The following INTS6 variants were observed in gnomAD, a reference collection of about 807,000 sequenced individuals.
INTS6 encodes DEAD box protein.
A neutral mutation model predicts 104.9 loss-of-function variants in INTS6; 16 were observed. That is an observed-to-expected ratio of 0.15 (90% CI 0.10 to 0.23). The LOEUF is 0.23. INTS6 is among the 10% of genes least tolerant of loss of function. INTS6 has a pLI of 1.00. For synonymous variants in INTS6, 324 were observed against 358.7 expected, an observed-to-expected ratio of 0.90 and a Z score of 1.09; for missense variants, 584 against 1,062.8, an observed-to-expected ratio of 0.55 and a Z score of 6.26.
chr13:51,418,788 C>A (rs1956841731), intron 4 of INTS6, among the ~76,000 whole-genome samples: 1 of 152,188 alleles, frequency 6.6e-6, no homozygotes, highest in African/African-American at 2.4e-5. Context: ...TTTACCCCAA[C>A]AAATTGCAAA....
In INTS6 at chr13:51,369,148, C is replaced by T. The variant is rs779899845; in HGVS notation, c.2267G>A (p.Gly756Asp). ...ERPTNHMEAL[G>D]HDHLGTNDLT... ...GTCATTGGTTCCTAAATGGTCATGA[C>T]CAAGAGCCTCCATATGATTGGTTGG... The change falls in exon 16 of 18, where the codon GGT becomes GAT. Residue 756 changes from glycine (G) to aspartate (D), a missense_variant. By Grantham distance (94) the Gly-to-Asp change is moderately conservative. Around this residue, in one of 5 missense-constraint regions of INTS6, gnomAD observed 296 missense variants for 437.0 expected, o/e 0.68. Coordinates refer to ENST00000311234, the MANE Select transcript of INTS6 (RefSeq NM_012141.3). The T allele has an allele frequency of 6.2e-7, 1 of 1,613,834 alleles. No individual in the cohort carries two copies. Among genetic ancestry groups the T allele is most frequent in the African/African-American group, 1.3e-5 (1 of 75,000 alleles).
intron 4 of INTS6, among the ~76,000 whole-genome samples, chr13:51,397,955 A>C (rs1751853004): frequency 6.6e-6 from 1 of 152,134 alleles, no homozygotes; most frequent in African/African-American, 2.4e-5. Context: ...GTAAAAAAAA[A>C]ACCCCAGCAA....
In INTS6 at chr13:51,354,414, C is replaced by G. The variant is rs548450132; in HGVS notation, n.431-78G>C. 2.0e-5 allele frequency: 3 copies of G among 152,106 alleles called. No individual in the cohort carries two copies. In the South Asian group the frequency reaches 6.2e-4, roughly 32 times the overall value. The allele number at this position is 152,106 out of a possible 1,614,324, so 9.4% of individuals were successfully genotyped here. A position where few individuals can be genotyped will look rare whatever the true frequency, so the allele number is the denominator to read the frequency against. On this transcript the variant is annotated intron_variant and non_coding_transcript_variant, in intron 3 of 3. Transcript: ENST00000476666. ...AATCCACATAAAGCTCTTATAGTATCTAGCATAATGTAAGCACTCATTAAA... is the reference window on the plus strand; with the variant it reads ...AATCCACATAAAGCTCTTATAGTATGTAGCATAATGTAAGCACTCATTAAA...
At chr13:51,422,848 C>G (rs1321518295) in intron 4 of INTS6, among the ~76,000 whole-genome samples, 6 of 152,094 alleles carry the variant, frequency 3.9e-5, no homozygotes, top group Non-Finnish European at 7.4e-5. Context: ...TTTATAATCT[C>G]CTGATACACT....
intron 17 of INTS6, 69 bp from the exon 18 acceptor site, chr13:51,365,914 TAAGA>T (rs1566202200): frequency 5.7e-6 from 5 of 882,988 alleles, no homozygotes; most frequent in Middle Eastern, 3.7e-4. Context: ...ATAATTTTTT[TAAGA>T]AAGGAGAGAA....
At chr13:51,335,414 C>A in the INTS6 span, among the ~76,000 whole-genome samples, 9 of 152,064 alleles carry the variant, frequency 5.9e-5, no homozygotes, top group African/African-American at 1.9e-4. Context: ...TCATTGGTAA[C>A]CCATCAAATC....
At chr13:51,399,584 C>T (rs1307119932) in intron 4 of INTS6, among the ~76,000 whole-genome samples, 2 of 152,054 alleles carry the variant, frequency 1.3e-5, no homozygotes, top group East Asian at 3.9e-4. Flanking sequence ...TCAGATACTG[C>T]CAGTTTTCCA....
At chr13:51,382,387 C>T (rs921283217) in intron 9 of INTS6, among the ~76,000 whole-genome samples, 9 of 152,182 alleles carry the variant, frequency 5.9e-5, no homozygotes, top group Non-Finnish European at 1.3e-4. Flanking sequence ...TAGACCTAGA[C>T]ACAAAGCAGA....
the INTS6 span, among the ~76,000 whole-genome samples, chr13:51,345,232 T>TCCACAGGC: frequency 6.6e-6 from 1 of 152,142 alleles, no homozygotes; most frequent in Non-Finnish European, 1.5e-5. Flanking sequence ...CTGCCCAGGG[T>TCCACAGGC]CCACAGGCCA....
At chr13:51,410,357 T>C (rs1291111828) in intron 4 of INTS6, among the ~76,000 whole-genome samples, 1 of 152,234 alleles carries the variant, frequency 6.6e-6, no homozygotes, top group Admixed American at 6.5e-5. Context: ...GACACCATGT[T>C]GTATTGCCGA....
chr13:51,430,931 A>G (rs766255572), intron 3 of INTS6, among the ~76,000 whole-genome samples: 1 of 152,254 alleles, frequency 6.6e-6, no homozygotes, highest in Non-Finnish European at 1.5e-5. Flanking sequence ...AAATTTAACA[A>G]CAGTACAAGA....
Position 51,452,393 on chromosome 13 carries a change from C to T in INTS6, c.111+22G>A, listed in dbSNP as rs1953082010. ...GCGGGCCGCCGGGCCGGGGTCGCCGCCCGGGCTCGGTCAGTCGGTACCTTC... is the reference window on the plus strand; with the variant it reads ...GCGGGCCGCCGGGCCGGGGTCGCCGTCCGGGCTCGGTCAGTCGGTACCTTC... On this transcript the variant is annotated intron_variant, in intron 1 of 17. Coordinates refer to ENST00000311234, the MANE Select transcript of INTS6 (RefSeq NM_012141.3). This position sits in a 1 kb window ranked among gnomAD's most constrained non-coding sequence, Gnocchi z 4.2. 1 of 1,544,212 alleles carries T rather than the reference C, an allele frequency of 6.5e-7. No individual in the cohort carries two copies. Among genetic ancestry groups the T allele is most frequent in the East Asian group, 2.7e-5 (1 of 37,344 alleles).
chr13:51,396,283 T>C (rs1956336677), intron 4 of INTS6, among the ~76,000 whole-genome samples: 1 of 152,168 alleles, frequency 6.6e-6, no homozygotes, highest in Non-Finnish European at 1.5e-5. Flanking sequence ...GAGTAAATTT[T>C]TGTCACTCTA....
At chr13:51,376,720 C>T (rs1001803554) in intron 12 of INTS6, among the ~76,000 whole-genome samples, 4 of 152,124 alleles carry the variant, frequency 2.6e-5, no homozygotes, top group South Asian at 2.1e-4. Flanking sequence ...AACGTCTAAT[C>T]TTTTGTACTT....
Position 51,398,720 on chromosome 13 carries a change from T to C in INTS6, c.430-3237A>G, listed in dbSNP as rs1041265646. 2.8e-5 allele frequency among the ~76,000 whole-genome samples: 4 copies of C among 144,682 alleles called. No individual in the cohort carries two copies. The East Asian group carries it at 7.9e-4, about 29-fold the overall frequency. The allele number at this position is 144,682 out of a possible 152,430, so 94.9% of individuals were successfully genotyped here. A position where few individuals can be genotyped will look rare whatever the true frequency, so the allele number is the denominator to read the frequency against. ...TAGAAGAACTCTCATATTATTTGTA[T>C]AAGATGTTTAAAAAAAAAAAAAAAA... On this transcript the variant is annotated intron_variant, in intron 4 of 17. Coordinates refer to ENST00000311234, the MANE Select transcript of INTS6 (RefSeq NM_012141.3).
intron 4 of INTS6, among the ~76,000 whole-genome samples, chr13:51,414,048 G>C (rs1169350465): frequency 6.6e-6 from 1 of 152,172 alleles, no homozygotes. Context: ...AATTCTAGTT[G>C]ATGGAGTCTC....
chr13:51,365,539 G>GT lies in INTS6; in HGVS notation c.*212dup. On this transcript the variant is annotated 3_prime_UTR_variant, in exon 18 of 18. Coordinates refer to ENST00000311234, the MANE Select transcript of INTS6 (RefSeq NM_012141.3). Reference sequence around the variant, plus strand: ...ATTTTTAGTTTGTTAAATTAAAAATGTTTTTTAGAGTGATACTTTTCACAT... The same window carrying GT: ...ATTTTTAGTTTGTTAAATTAAAAATGTTTTTTTAGAGTGATACTTTTCACAT... 1 of 309,234 alleles carries GT rather than the reference G, an allele frequency of 3.2e-6. No individual in the cohort carries two copies. 19.2% of individuals were successfully genotyped at this position (309,234 alleles called of 1,614,324 possible).
Sources: allele counts gnomAD v4.1 joint callset (sites outside exome capture counted in the v4.1 genomes callset), GRCh38; gene constraint gnomAD v4.1.1; regional missense constraint gnomAD v4.1.1; non-coding constraint Gnocchi (gnomAD v3.1); transcripts MANE v1.5; gene names NCBI Gene and HGNC (gene_info 2026-07-23, HGNC 2026-07-21).